CCNYL1: variants seen among roughly 807,000 people sequenced by gnomAD.
CCNYL1 encodes cyclin-Y-like protein 1.
CCNYL1 carries 16 observed loss-of-function variants against 44.2 expected under a neutral mutation model. The observed-to-expected ratio is 0.36, with a 90% CI of 0.25 to 0.55. CCNYL1 has a LOEUF of 0.55. Ranked by LOEUF, CCNYL1 falls within the 20% of genes least tolerant of loss-of-function variation. CCNYL1 has a pLI of 0.85. For synonymous variants in CCNYL1, 159 were observed against 163.2 expected, an observed-to-expected ratio of 0.97 and a Z score of 0.20; for missense variants, 348 against 451.8, an observed-to-expected ratio of 0.77 and a Z score of 2.08.
At chr2:207,726,819 C>G in intron 2 of CCNYL1, 23 bp from the exon 3 acceptor site, 1 of 1,547,902 alleles carries the variant, frequency 6.5e-7, no homozygotes, top group Non-Finnish European at 8.8e-7. Flanking sequence ...CAGAATTGAT[C>G]AGCTAATTTT....
rs569082786 is a variant in CCNYL1 at position 207,715,999 on chromosome 2, A to T, written c.220+3883A>T. ...TCTCGTCAAGCTAAGAGATGCTCCT[A>T]AGAACCTAGTAAACATTTCAGATAG... is the stretch of plus-strand genomic sequence containing the variant. On this transcript the variant is annotated intron_variant, in intron 1 of 9. Coordinates refer to ENST00000295414, the MANE Select transcript of CCNYL1 (RefSeq NM_001330218.2). Among the ~76,000 whole-genome samples the T allele has an allele frequency of 2.3e-3, 344 of 152,256 alleles. 1 individual carries two copies. The highest frequency in any genetic ancestry group is 7.8e-3 in the African/African-American group (325 of 41,552).
At chr2:207,723,289 A>G (rs746188703) in intron 1 of CCNYL1, among the ~76,000 whole-genome samples, 3 of 152,220 alleles carry the variant, frequency 2.0e-5, no homozygotes, top group Non-Finnish European at 2.9e-5. Context: ...TTATGTTCAT[A>G]TAAGATTCTA....
At chr2:207,730,209 A>G (rs1346670333) in intron 3 of CCNYL1, among the ~76,000 whole-genome samples, 2 of 152,018 alleles carry the variant, frequency 1.3e-5, no homozygotes, top group East Asian at 3.9e-4. Context: ...AGAACCTTCT[A>G]TATTCCTTAT....
intron 5 of CCNYL1, among the ~76,000 whole-genome samples, chr2:207,739,371 T>C (rs966048018): frequency 3.3e-5 from 5 of 152,300 alleles, no homozygotes; most frequent in South Asian, 4.1e-4. Flanking sequence ...TAGCCGGGAC[T>C]GCGGGCGCCT....
At chr2:207,739,233 T>C (rs2091789500) in intron 5 of CCNYL1, among the ~76,000 whole-genome samples, 1 of 152,122 alleles carries the variant, frequency 6.6e-6, no homozygotes, top group Non-Finnish European at 1.5e-5. Context: ...TTTAAAACTT[T>C]TTATTTATTT....
rs751535645 is a variant in CCNYL1 at position 207,755,782 on chromosome 2, G to A, written c.*2084G>A. 8 of 152,130 alleles carry A rather than the reference G, an allele frequency of 5.3e-5. No individual in the cohort carries two copies. Among genetic ancestry groups the A allele is most frequent in the African/African-American group, 1.9e-4 (8 of 41,426 alleles). 9.4% of individuals were successfully genotyped at this position (152,130 alleles called of 1,614,324 possible). Reference sequence around the variant, plus strand: ...AAGGAGCAAATAATTTTAGGAGACCGATAATGTCACCTAAATTTGAAATAC... The same window carrying A: ...AAGGAGCAAATAATTTTAGGAGACCAATAATGTCACCTAAATTTGAAATAC... On this transcript the variant is annotated 3_prime_UTR_variant, in exon 10 of 10. Transcript: ENST00000295414.
intron 5 of CCNYL1, among the ~76,000 whole-genome samples, chr2:207,739,915 C>CT: frequency 6.6e-6 from 1 of 152,216 alleles, no homozygotes; most frequent in South Asian, 2.1e-4. Context: ...GTCATACAGT[C>CT]AAAAAGCAAG....
chr2:207,751,981 G>A (rs2091895832), intron 9 of CCNYL1, among the ~76,000 whole-genome samples: 1 of 151,994 alleles, frequency 6.6e-6, no homozygotes, highest in South Asian at 2.1e-4. Context: ...GTTGCAGTGA[G>A]CCAAGATTGC....
chr2:207,738,806 G>A lies in CCNYL1; in HGVS notation c.467+1360G>A, dbSNP rs564316306. Among the ~76,000 whole-genome samples the A allele has an allele frequency of 7.3e-5, 11 of 151,562 alleles. No homozygotes were observed. The South Asian group carries it at 2.3e-3, about 32-fold the overall frequency. ...GCAGTCTCAGCTCACTGCAACCTCCGCCTCCCGGGTTCAAGCGATTCTCCT... is the reference window on the plus strand; with the variant it reads ...GCAGTCTCAGCTCACTGCAACCTCCACCTCCCGGGTTCAAGCGATTCTCCT... On this transcript the variant is annotated intron_variant, in intron 5 of 9. Transcript: ENST00000295414.
intron 9 of CCNYL1, 43 bp downstream of exon 9, chr2:207,751,162 C>G: frequency 1.3e-6 from 2 of 1,533,780 alleles, no homozygotes; most frequent in Non-Finnish European, 1.8e-6. Flanking sequence ...CATCAGCCAC[C>G]AAAGCCAACA....
intron 5 of CCNYL1, among the ~76,000 whole-genome samples, chr2:207,738,021 T>A (rs181647625): frequency 9.8e-4 from 150 of 152,290 alleles, no homozygotes; most frequent in African/African-American, 3.1e-3. Context: ...TTTTTTTTTT[T>A]AATTTCAACT....
chr2:207,725,260 A>G (rs985885488), intron 2 of CCNYL1, among the ~76,000 whole-genome samples: 6 of 151,576 alleles, frequency 4.0e-5, no homozygotes, highest in Non-Finnish European at 8.8e-5. Flanking sequence ...CCAAGTAGCT[A>G]GGACTACAGG....
At chr2:207,723,045 A>G (rs1234125950) in intron 1 of CCNYL1, among the ~76,000 whole-genome samples, 1 of 152,096 alleles carries the variant, frequency 6.6e-6, no homozygotes, top group Non-Finnish European at 1.5e-5. Context: ...TTATTTTTCC[A>G]AATAGCTTAA....
chr2:207,729,289 C>A (rs1390702603), intron 3 of CCNYL1, among the ~76,000 whole-genome samples: 1 of 123,922 alleles, frequency 8.1e-6, no homozygotes. Flanking sequence ...CACCCCCCCG[C>A]ACTCTCCCAT....
At chr2:207,735,142 CTTAA>C (rs1215808426) in intron 4 of CCNYL1, among the ~76,000 whole-genome samples, 1 of 152,088 alleles carries the variant, frequency 6.6e-6, no homozygotes, top group East Asian at 1.9e-4. Flanking sequence ...CCATTTTAGT[CTTAA>C]TTTTTAGATG....
chr2:207,730,115 T>A (rs1330252566), intron 3 of CCNYL1, among the ~76,000 whole-genome samples: 1 of 152,162 alleles, frequency 6.6e-6, no homozygotes, highest in Non-Finnish European at 1.5e-5. Flanking sequence ...GAAGCAGAGT[T>A]GGAAAAGGGA....
At position 207,715,436 on chromosome 2, in the gene CCNYL1, A is replaced by G. The variant is rs12995605; in HGVS notation, c.220+3320A>G. 6.3e-4 allele frequency among the ~76,000 whole-genome samples: 84 copies of G among 133,060 alleles called. 1 individual carries two copies. Among genetic ancestry groups the G allele is most frequent in the Admixed American group, 2.3e-3 (27 of 11,986 alleles). The allele number at this position is 133,060 out of a possible 152,430, so 87.3% of individuals were successfully genotyped here. A position where few individuals can be genotyped will look rare whatever the true frequency, so the allele number is the denominator to read the frequency against. ...TCACTCTTGCCTAGGCTGGAGTGCA[A>G]TGGCACAAACTTGGTTCAGTGCAAC... On this transcript the variant is annotated intron_variant, in intron 1 of 9. Transcript: ENST00000295414.
intron 5 of CCNYL1, among the ~76,000 whole-genome samples, chr2:207,738,906 G>A (rs141382879): frequency 2.0e-5 from 3 of 152,004 alleles, no homozygotes; most frequent in African/African-American, 7.2e-5. Flanking sequence ...TTTTAGTAGA[G>A]ACAGTGTTTC....
chr2:207,717,226 A>C (rs1028647481), intron 1 of CCNYL1, among the ~76,000 whole-genome samples: 3 of 152,064 alleles, frequency 2.0e-5, no homozygotes, highest in African/African-American at 7.2e-5. Context: ...TTGCATCTTT[A>C]ATTCTGAATA....
Sources: gnomAD v4.1 joint callset for allele counts (sites outside exome capture counted in the v4.1 genomes callset) on GRCh38, gnomAD v4.1.1 for gene constraint, MANE v1.5 for transcripts, NCBI Gene and HGNC (gene_info 2026-07-23, HGNC 2026-07-21) for gene names.